Variants in RIMS2 observed in about 807,000 individuals in gnomAD.
RIMS2 encodes regulating synaptic membrane exocytosis protein 2.
RIMS2 carries 59 observed loss-of-function variants against 174.4 expected under a neutral mutation model. The ratio of observed to expected loss-of-function variants is 0.34; its 90% CI spans 0.27 to 0.42. The LOEUF is 0.42. Ranked by LOEUF, RIMS2 falls within the 10% of genes least tolerant of loss-of-function variation. The pLI, the probability that RIMS2 is intolerant of heterozygous loss-of-function variation, is 1.00. For missense variants in RIMS2, 1,620 were observed against 1,666.3 expected (o/e 0.97, Z 0.48); for synonymous variants, 606 against 572.5 (o/e 1.06, Z -0.84).
chr8:104,129,107 AGGCACAATGGC>A (rs2098453751), intron 19 of RIMS2, among the ~76,000 whole-genome samples: 1 of 152,184 alleles, frequency 6.6e-6, no homozygotes, highest in East Asian at 1.9e-4. Flanking sequence ...TTTTATGGCC[AGGCACAATGGC>A]TTATGCCTGT....
intron 4 of RIMS2, among the ~76,000 whole-genome samples, chr8:103,902,407 T>C (rs1419641668): frequency 6.6e-6 from 1 of 152,152 alleles, no homozygotes; most frequent in Non-Finnish European, 1.5e-5. Context: ...ACAGGTCATA[T>C]GACTTGTGAC....
chr8:103,758,489 A>AT (rs1282663857), intron 2 of RIMS2, among the ~76,000 whole-genome samples: 4 of 151,934 alleles, frequency 2.6e-5, no homozygotes, highest in Admixed American at 6.6e-5. Context: ...TTTCCACAGC[A>AT]TTTTTTTCAG....
At chr8:103,704,861 T>C (rs2097206826) in intron 2 of RIMS2, among the ~76,000 whole-genome samples, 1 of 151,948 alleles carries the variant, frequency 6.6e-6, no homozygotes, top group African/African-American at 2.4e-5. Context: ...CTCTTCTTAG[T>C]TTCCTAGTGA....
chr8:103,814,834 G>A (rs1355002313), intron 3 of RIMS2, among the ~76,000 whole-genome samples: 1 of 152,122 alleles, frequency 6.6e-6, no homozygotes, highest in African/African-American at 2.4e-5. Flanking sequence ...GGGTGACAGA[G>A]CAAGATTCTG....
chr8:104,252,994 AT>A (rs957023777), downstream of RIMS2: 2 of 152,222 alleles, frequency 1.3e-5, no homozygotes, highest in African/African-American at 4.8e-5. Context: ...TCAAGGGAAA[AT>A]TAACTTTAAG....
At chr8:103,652,527 C>G (rs1319029773) in intron 1 of RIMS2, 97 bp from the exon 3 acceptor site, 1 of 580,412 alleles carries the variant, frequency 1.7e-6, no homozygotes, top group African/African-American at 1.9e-5. Flanking sequence ...TTGGCTGTAG[C>G]TTTTGTGCCT....
intron 2 of RIMS2, among the ~76,000 whole-genome samples, chr8:103,711,791 G>T (rs1317533955): frequency 6.6e-6 from 1 of 152,012 alleles, no homozygotes; most frequent in Non-Finnish European, 1.5e-5. Context: ...CAGCTACTTG[G>T]GAGGCTGAAG....
intron 3 of RIMS2, among the ~76,000 whole-genome samples, chr8:103,769,384 C>T (rs531245424): frequency 2.0e-5 from 3 of 152,230 alleles, no homozygotes; most frequent in African/African-American, 7.2e-5. Flanking sequence ...AGTGCAGTGC[C>T]ATGATCTCAG....
chr8:103,752,682 T>A (rs888127255), intron 2 of RIMS2, among the ~76,000 whole-genome samples: 9 of 152,318 alleles, frequency 5.9e-5, no homozygotes, highest in Non-Finnish European at 8.8e-5. Context: ...GGTATTTTAT[T>A]CTCTTTGAAG....
chr8:103,704,006 A>C (rs1013695756), intron 2 of RIMS2, among the ~76,000 whole-genome samples: 22 of 151,976 alleles, frequency 1.4e-4, no homozygotes, highest in Admixed American at 6.6e-5. Context: ...CTTTTGCTAG[A>C]ATTTCCAATA....
chr8:103,739,468 TG>T (rs954238306), intron 2 of RIMS2, among the ~76,000 whole-genome samples: 4 of 152,228 alleles, frequency 2.6e-5, no homozygotes, highest in African/African-American at 9.6e-5. Flanking sequence ...ACATGGCACA[TG>T]TATACATATG....
intron 1 of RIMS2, among the ~76,000 whole-genome samples, chr8:103,655,875 A>T (rs1433249545): frequency 6.6e-6 from 1 of 152,120 alleles, no homozygotes; most frequent in Admixed American, 6.6e-5. Flanking sequence ...GAGTCTCAGT[A>T]TACAGGGAAG....
chr8:103,594,627 A>G (rs2094413325), intron 1 of RIMS2, among the ~76,000 whole-genome samples: 1 of 151,818 alleles, frequency 6.6e-6, no homozygotes, highest in Non-Finnish European at 1.5e-5. Flanking sequence ...AATAATAAGA[A>G]TCAACTGTAT....
At position 103,638,907 on chromosome 8, in the gene RIMS2, T is replaced by C. The variant is rs571219369; in HGVS notation, c.177-58179T>C. ...ATTTATTTCTCGACCTCTATTTATT[T>C]ATTCATCTATCATCTATCTTTAAAA... On this transcript the variant is annotated intron_variant, in intron 1 of 23. Transcript: ENST00000504942. 2.0e-5 allele frequency among the ~76,000 whole-genome samples: 3 copies of C among 152,174 alleles called. No homozygotes were observed. In the East Asian group the frequency reaches 5.8e-4, roughly 29 times the overall value.
intron 19 of RIMS2, among the ~76,000 whole-genome samples, chr8:104,133,742 A>G (rs2098493629): frequency 6.6e-6 from 1 of 152,188 alleles, no homozygotes; most frequent in Non-Finnish European, 1.5e-5. Context: ...TTTTAGAGAT[A>G]GAATCTGTAA....
intron 3 of RIMS2, among the ~76,000 whole-genome samples, chr8:103,874,773 A>C (rs747804701): frequency 6.6e-6 from 1 of 152,100 alleles, no homozygotes; most frequent in Non-Finnish European, 1.5e-5. Context: ...CATGCCTCTT[A>C]GTTGATATCC....
chr8:103,646,602 A>G (rs919866445), intron 1 of RIMS2, among the ~76,000 whole-genome samples: 4 of 152,102 alleles, frequency 2.6e-5, no homozygotes, highest in Non-Finnish European at 5.9e-5. Context: ...CCATGTGTCC[A>G]TGTGTTCTCA....
intron 19 of RIMS2, among the ~76,000 whole-genome samples, chr8:104,197,177 CTTTT>C (rs34674014): frequency 1.4e-5 from 2 of 138,554 alleles, no homozygotes. Context: ...TAAACATAAG[CTTTT>C]TTTTTTTTTT....
At chr8:104,242,493 C>T (rs993831499) in intron 19 of RIMS2, among the ~76,000 whole-genome samples, 1 of 152,158 alleles carries the variant, frequency 6.6e-6, no homozygotes, top group Non-Finnish European at 1.5e-5. Flanking sequence ...AGTTCAAGTA[C>T]ACTCGTAGCA....
Sources: gnomAD v4.1 joint callset for allele counts (sites outside exome capture counted in the v4.1 genomes callset) on GRCh38, gnomAD v4.1.1 for gene constraint, MANE v1.5 for transcripts, NCBI Gene and HGNC (gene_info 2026-07-23, HGNC 2026-07-21) for gene names.